Variants in NLGN1 observed in about 807,000 individuals in gnomAD.
The protein encoded by NLGN1 is neuroligin 1, also known as neuroligin-1.
NLGN1 carries 12 observed loss-of-function variants against 65.5 expected under a neutral mutation model. The observed-to-expected ratio is 0.18, with a 90% CI of 0.12 to 0.30. The LOEUF (loss-of-function observed/expected upper bound fraction) is 0.30, where lower values mean the gene tolerates loss of function less well. NLGN1 is among the 10% of genes least tolerant of loss of function. NLGN1 has a pLI of 1.00. For synonymous variants in NLGN1, 350 were observed against 359.5 expected, an observed-to-expected ratio of 0.97 and a Z score of 0.30; for missense variants, 750 against 1,007.1, an observed-to-expected ratio of 0.74 and a Z score of 3.46.
chr3:173,647,260 C>CT (rs1577718999), intron 3 of NLGN1, among the ~76,000 whole-genome samples: 2 of 152,002 alleles, frequency 1.3e-5, no homozygotes, highest in Non-Finnish European at 1.5e-5. Flanking sequence ...TTGAAATACC[C>CT]TTTTTTCTGT....
intron 3 of NLGN1, among the ~76,000 whole-genome samples, chr3:173,771,155 C>T (rs959388971): frequency 2.0e-5 from 3 of 152,128 alleles, no homozygotes; most frequent in African/African-American, 7.2e-5. Context: ...GCTTCTATTA[C>T]TTCTAAATCA....
At chr3:173,737,442 C>A (rs1773951438) in intron 3 of NLGN1, among the ~76,000 whole-genome samples, 1 of 151,990 alleles carries the variant, frequency 6.6e-6, no homozygotes, top group Non-Finnish European at 1.5e-5. Context: ...CAACCCCTCA[C>A]CTCTAGACAA....
At chr3:173,462,587 G>C (rs762736046) in intron 2 of NLGN1, among the ~76,000 whole-genome samples, 1 of 151,888 alleles carries the variant, frequency 6.6e-6, no homozygotes, top group Non-Finnish European at 1.5e-5. Flanking sequence ...CTGGATTTTT[G>C]TCTTACCATA....
At chr3:173,863,215 T>C (rs564543834) in intron 4 of NLGN1, among the ~76,000 whole-genome samples, 2 of 152,226 alleles carry the variant, frequency 1.3e-5, no homozygotes, top group South Asian at 4.1e-4. Flanking sequence ...TAAAAAGCTA[T>C]AAAAAATTAA....
chr3:173,866,651 A>G (rs1386642149), intron 4 of NLGN1, among the ~76,000 whole-genome samples: 6 of 152,184 alleles, frequency 3.9e-5, no homozygotes, highest in African/African-American at 1.2e-4. Flanking sequence ...GCGGCATTCA[A>G]TTGATTTGTT....
intron 2 of NLGN1, among the ~76,000 whole-genome samples, chr3:173,584,072 CAA>C (rs561995466): frequency 4.0e-5 from 5 of 125,312 alleles, no homozygotes; most frequent in East Asian, 2.3e-4. Flanking sequence ...TTTTTGTAGA[CAA>C]AAAAAAAAAA....
intron 4 of NLGN1, among the ~76,000 whole-genome samples, chr3:174,118,005 G>GT (rs11437249): frequency 0.062 from 9,446 of 152,038 alleles, 397 homozygotes; most frequent in African/African-American, 0.11. Flanking sequence ...AGTTTGTTTT[G>GT]TTTTTTCTCT....
At chr3:173,830,019 G>GGGGGT (rs58524463) in intron 4 of NLGN1, among the ~76,000 whole-genome samples, 5 of 141,064 alleles carry the variant, frequency 3.5e-5, no homozygotes, top group East Asian at 2.1e-4. Context: ...GGGGGGGGAG[G>GGGGGT]GAGAGAATAA....
At chr3:174,068,385 G>A (rs1357918928) in intron 4 of NLGN1, among the ~76,000 whole-genome samples, 1 of 151,990 alleles carries the variant, frequency 6.6e-6, no homozygotes, top group Admixed American at 6.6e-5. Context: ...CAATAGTAGA[G>A]CCCCAGAATG....
At position 173,447,523 on chromosome 3, in the gene NLGN1, G is replaced by C. The variant is rs148413024; in HGVS notation, c.-321+12445G>C. Among the ~76,000 whole-genome samples, 56 of 152,062 alleles carry C rather than the reference G, an allele frequency of 3.7e-4. 1 individual carries two copies. Among genetic ancestry groups the C allele is most frequent in the Non-Finnish European group, 1.0e-4 (7 of 68,008 alleles). ...TGATGCCTCCAGCTTTGTTCTTTTG[G>C]CTTAGGATTGACTTGGCAATGCAGG... On this transcript the variant is annotated intron_variant, in intron 2 of 6. Transcript: ENST00000457714.
In NLGN1 at chr3:173,580,164, T is replaced by A. The variant is rs1222670616; in HGVS notation, c.-320-24115T>A. 2.0e-5 allele frequency among the ~76,000 whole-genome samples: 3 copies of A among 152,262 alleles called. No individual in the cohort carries two copies. In the East Asian group the frequency reaches 5.8e-4, roughly 29 times the overall value. The stretch of plus-strand genomic sequence containing the variant: ...CTTTTCTCAAAATAACTCTTTTGTA[T>A]TAAAAGCAACAATGAAATACTTACT... On this transcript the variant is annotated intron_variant, in intron 2 of 6. Transcript: ENST00000457714.
chr3:174,291,772 C>A, the NLGN1 span, among the ~76,000 whole-genome samples: 3 of 151,092 alleles, frequency 2.0e-5, no homozygotes, highest in Non-Finnish European at 3.0e-5. Flanking sequence ...TGTAGACAAA[C>A]AGAAGGGTGA....
intron 3 of NLGN1, among the ~76,000 whole-genome samples, chr3:173,618,929 G>T (rs1264780202): frequency 6.6e-6 from 1 of 152,160 alleles, no homozygotes; most frequent in Non-Finnish European, 1.5e-5. Context: ...ATTTCTGGCA[G>T]GGCTGGCTTC....
intron 3 of NLGN1, among the ~76,000 whole-genome samples, chr3:173,777,776 A>G (rs189368766): frequency 0.012 from 1,762 of 151,906 alleles, 10 homozygotes; most frequent in Non-Finnish European, 0.02. Flanking sequence ...ATGGGAGTGC[A>G]GATATATCCT....
intron 4 of NLGN1, among the ~76,000 whole-genome samples, chr3:174,026,214 C>G (rs1728798936): frequency 6.6e-6 from 1 of 152,098 alleles, no homozygotes; most frequent in African/African-American, 2.4e-5. Flanking sequence ...GCAGCCTTGA[C>G]CTCATGGGCT....
intron 4 of NLGN1, among the ~76,000 whole-genome samples, chr3:173,899,764 A>C (rs1026901288): frequency 3.3e-5 from 5 of 152,136 alleles, no homozygotes; most frequent in African/African-American, 1.2e-4. Flanking sequence ...TGAAGCCTGA[A>C]ATATTTGCTA....
At chr3:173,404,316 T>G (rs1325044400) in intron 1 of NLGN1, among the ~76,000 whole-genome samples, 1 of 152,136 alleles carries the variant, frequency 6.6e-6, no homozygotes, top group Admixed American at 6.5e-5. Context: ...TTGTGATGGA[T>G]GTTGGTGATC....
chr3:174,207,763 A>G (rs1315251701), intron 4 of NLGN1, among the ~76,000 whole-genome samples: 1 of 152,174 alleles, frequency 6.6e-6, no homozygotes, highest in Admixed American at 6.5e-5. Context: ...TCAACAAACG[A>G]CAATCTCTTA....
chr3:173,716,819 C>A (rs1178333733), intron 3 of NLGN1, among the ~76,000 whole-genome samples: 2 of 151,966 alleles, frequency 1.3e-5, no homozygotes, highest in Non-Finnish European at 2.9e-5. Context: ...TCATTTATTG[C>A]CTATTGTTCC....
Sources: allele counts gnomAD v4.1 joint callset (sites outside exome capture counted in the v4.1 genomes callset), GRCh38; gene constraint gnomAD v4.1.1; transcripts MANE v1.5; gene names NCBI Gene and HGNC (gene_info 2026-07-23, HGNC 2026-07-21).